The following REL variants were observed in gnomAD, a reference collection of about 807,000 sequenced individuals.
REL encodes the protein REL proto-oncogene, NF-kB subunit.
In REL, 15 loss-of-function variants were observed where a neutral mutation model predicts 45.9. The ratio of observed to expected loss-of-function variants is 0.33; its 90% CI spans 0.22 to 0.50. The LOEUF is 0.50. REL is among the 20% of genes least tolerant of loss of function. The pLI is 0.98. For missense variants in REL, 601 were observed against 715.2 expected (o/e 0.84, Z 1.82); for synonymous variants, 239 against 242.1 (o/e 0.99, Z 0.12).
chr2:60,891,924 A>C, intron 2 of REL, 99 bp downstream of exon 2: 18 of 1,173,852 alleles, frequency 1.5e-5, no homozygotes, highest in Non-Finnish European at 2.1e-5. Flanking sequence ...AGTCATCTCC[A>C]CAGGTTTATC....
Position 60,900,803 on chromosome 2 carries a change from A to C in REL, c.303-189A>C, listed in dbSNP as rs1573325049. ...CTCCCAAAGTGCTGGGATTACAGGC[A>C]CAAGCCACGCGCCCAGCCATATAAT... On this transcript the variant is annotated intron_variant, in intron 3 of 9. Transcript: ENST00000394479. 4 of 510,418 alleles carry C rather than the reference A, an allele frequency of 7.8e-6. No individual in the cohort carries two copies. The East Asian group carries it at 1.6e-4, about 20-fold the overall frequency. The allele number at this position is 510,418 out of a possible 1,614,324, so 31.6% of individuals were successfully genotyped here. A position where few individuals can be genotyped will look rare whatever the true frequency, so the allele number is the denominator to read the frequency against.
chr2:60,901,761 A>T (rs1170329677), intron 4 of REL, among the ~76,000 whole-genome samples: 1 of 152,174 alleles, frequency 6.6e-6, no homozygotes, highest in East Asian at 1.9e-4. Flanking sequence ...ATTGGAGTGC[A>T]TTTAGCTCAA....
chr2:60,892,662 T>C (rs2103929597), intron 2 of REL, among the ~76,000 whole-genome samples: 1 of 152,096 alleles, frequency 6.6e-6, no homozygotes, highest in Admixed American at 6.5e-5. Flanking sequence ...ACTCTTGACA[T>C]CAGGTGATCC....
intron 2 of REL, among the ~76,000 whole-genome samples, chr2:60,893,113 G>T (rs1358404820): frequency 6.6e-6 from 1 of 152,098 alleles, no homozygotes; most frequent in African/African-American, 2.4e-5. Flanking sequence ...TCAATGAAGG[G>T]TTTATCCTTT....
chr2:60,896,664 A>G (rs930587752), intron 3 of REL, among the ~76,000 whole-genome samples: 16 of 152,214 alleles, frequency 1.1e-4, no homozygotes, highest in Non-Finnish European at 2.4e-4. Flanking sequence ...ATATTTGTCT[A>G]TATTACTTGA....
chr2:60,886,598 A>G (rs751359269), intron 1 of REL, among the ~76,000 whole-genome samples: 4 of 152,180 alleles, frequency 2.6e-5, no homozygotes, highest in Admixed American at 6.5e-5. Flanking sequence ...TGAGAAATGT[A>G]TATAAAGGGG....
At chr2:60,917,531 T>G (rs1415588187) in intron 5 of REL, among the ~76,000 whole-genome samples, 2 of 40,230 alleles carry the variant, frequency 5.0e-5, no homozygotes, top group Non-Finnish European at 9.8e-5. Context: ...TTTTTATTGG[T>G]TTTTTTTTTT....
At chr2:60,899,501 G>A (rs1673440720) in intron 3 of REL, 1 of 152,198 alleles carries the variant, frequency 6.6e-6, no homozygotes, top group Non-Finnish European at 1.5e-5. Flanking sequence ...TGTTTTTTAA[G>A]ATTTATTTTT....
At chr2:60,897,313 T>A (rs889403248) in intron 3 of REL, among the ~76,000 whole-genome samples, 1 of 151,696 alleles carries the variant, frequency 6.6e-6, no homozygotes, top group Non-Finnish European at 1.5e-5. Context: ...CTTTTTTTTT[T>A]TCCTTTTTTT....
intron 4 of REL, among the ~76,000 whole-genome samples, chr2:60,905,047 G>A (rs949182096): frequency 3.9e-5 from 6 of 152,084 alleles, no homozygotes; most frequent in African/African-American, 7.2e-5. Flanking sequence ...GAACAATCCT[G>A]CCAGTTAATC....
chr2:60,896,048 G>C (rs1298817006), intron 3 of REL, among the ~76,000 whole-genome samples: 1 of 151,666 alleles, frequency 6.6e-6, no homozygotes, highest in Non-Finnish European at 1.5e-5. Context: ...TGTTGCCCAG[G>C]CTGCAGTGAA....
intron 3 of REL, among the ~76,000 whole-genome samples, chr2:60,898,459 C>A (rs1295089295): frequency 6.6e-6 from 1 of 152,176 alleles, no homozygotes; most frequent in African/African-American, 2.4e-5. Context: ...CTTTGTGTGG[C>A]CTGTTCCTTT....
intron 9 of REL, among the ~76,000 whole-genome samples, chr2:60,920,896 G>A (rs762153222): frequency 1.3e-4 from 19 of 151,928 alleles, no homozygotes; most frequent in Admixed American, 2.0e-4. Context: ...ATTACATTGC[G>A]TTATGAAAAA....
At chr2:60,907,527 C>G (rs1217062024) in intron 4 of REL, among the ~76,000 whole-genome samples, 1 of 151,776 alleles carries the variant, frequency 6.6e-6, no homozygotes, top group Non-Finnish European at 1.5e-5. Flanking sequence ...CCAGCCTGCT[C>G]CAGAGGCTGA....
rs1301562249 is a variant in REL at position 60,893,315 on chromosome 2, T to G, written c.154-1082T>G. ...TTATAGAATAAACCAATGGCAAAAT[T>G]ATATATATTGAATTCCAGATTTCTA... On this transcript the variant is annotated intron_variant, in intron 2 of 9. Transcript: ENST00000394479. Among the ~76,000 whole-genome samples, 5 of 152,198 alleles carry G rather than the reference T, an allele frequency of 3.3e-5. 1 individual carries two copies. The highest frequency in any genetic ancestry group is 2.6e-4 in the Admixed American group (4 of 15,264).
At chr2:60,897,225 A>G (rs1673372439) in intron 3 of REL, among the ~76,000 whole-genome samples, 1 of 151,746 alleles carries the variant, frequency 6.6e-6, no homozygotes, top group Non-Finnish European at 1.5e-5. Flanking sequence ...TGTTTTTTTG[A>G]TATGCCGTCA....
chr2:60,917,301 A>G (rs1366247218), intron 5 of REL, among the ~76,000 whole-genome samples: 1 of 152,190 alleles, frequency 6.6e-6, no homozygotes, highest in African/African-American at 2.4e-5. Context: ...ACTTAAAATC[A>G]TAAGTGATGA....
In REL at chr2:60,923,753, A is replaced by G. The variant is rs998981370; in HGVS notation, c.*1218A>G. 2 of 233,036 alleles carry G rather than the reference A, an allele frequency of 8.6e-6. No individual in the cohort carries two copies. The highest frequency in any genetic ancestry group is 1.2e-4 in the East Asian group (2 of 16,586). The allele number at this position is 233,036 out of a possible 1,614,324, so 14.4% of individuals were successfully genotyped here. ...TATTAACGCCCTATTCCAAGCCACCATCATCTCTTCCCTGGATTGAAGCTG... is the reference window on the plus strand; with the variant it reads ...TATTAACGCCCTATTCCAAGCCACCGTCATCTCTTCCCTGGATTGAAGCTG... On this transcript the variant is annotated 3_prime_UTR_variant, in exon 10 of 10. Transcript: ENST00000394479.
At chr2:60,905,807 C>G (rs993265999) in intron 4 of REL, among the ~76,000 whole-genome samples, 1 of 152,156 alleles carries the variant, frequency 6.6e-6, no homozygotes, top group African/African-American at 2.4e-5. Context: ...TGCATTTTAA[C>G]AAACATCTAG....
Sources: gnomAD v4.1 joint callset for allele counts (sites outside exome capture counted in the v4.1 genomes callset) on GRCh38, gnomAD v4.1.1 for gene constraint, MANE v1.5 for transcripts, NCBI Gene and HGNC (gene_info 2026-07-23, HGNC 2026-07-21) for gene names.